Variants in SUZ12 observed in about 807,000 individuals in gnomAD.
SUZ12 encodes the protein SUZ12 polycomb repressive complex 2 subunit.
A neutral mutation model predicts 87.3 loss-of-function variants in SUZ12; 17 were observed. That is an observed-to-expected ratio of 0.19 (90% CI 0.13 to 0.29). The LOEUF (loss-of-function observed/expected upper bound fraction) is 0.29, where lower values mean the gene tolerates loss of function less well. Among genes scored for constraint, SUZ12 ranks in the 10% least tolerant of loss-of-function variants. SUZ12 has a pLI of 1.00. For synonymous variants in SUZ12, 253 were observed against 312.4 expected, an observed-to-expected ratio of 0.81 and a Z score of 2.01; for missense variants, 526 against 912.2, an observed-to-expected ratio of 0.58 and a Z score of 5.45.
chr17:31,963,842 A>G (rs562800856), intron 4 of SUZ12: 10,613 of 151,202 alleles, frequency 0.07, no homozygotes, highest in African/African-American at 0.23. Flanking sequence ...TTTTAACTTT[A>G]TATTTTTGCT....
rs146235037 is a variant in SUZ12, at chr17:31,952,209, T to G, written c.455+4524T>G. On this transcript the variant is annotated intron_variant, in intron 4 of 15. Transcript: ENST00000322652. ...CTGAATAGCTAGGACTACAGGTGCA[T>G]GCCACCATGCCTGGCTAATTTTTAA... Among the ~76,000 whole-genome samples, 304 of 152,226 alleles carry G rather than the reference T, an allele frequency of 2.0e-3. 1 individual carries two copies. The highest frequency in any genetic ancestry group is 3.8e-3 in the Non-Finnish European group (257 of 68,014).
chr17:31,994,100 A>G, intron 12 of SUZ12, 92 bp downstream of exon 12: 1 of 1,316,450 alleles, frequency 7.6e-7, no homozygotes, highest in Non-Finnish European at 1.0e-6. Context: ...AAATTTTTTA[A>G]ATTAAAAAAG....
chr17:31,993,831 T>TG, intron 11 of SUZ12, 34 bp from the exon 12 acceptor site: 2 of 1,568,202 alleles, frequency 1.3e-6, no homozygotes, highest in African/African-American at 2.8e-5. Flanking sequence ...ATGCGTAAAT[T>TG]GGAGATTTGC....
At chr17:31,977,854 A>C (rs1399831057) in intron 8 of SUZ12, among the ~76,000 whole-genome samples, 2 of 152,128 alleles carry the variant, frequency 1.3e-5, no homozygotes, top group Non-Finnish European at 2.9e-5. Flanking sequence ...ACACCACTGC[A>C]CTCCATCCTG....
chr17:31,977,096 G>T (rs1469985218), intron 8 of SUZ12, among the ~76,000 whole-genome samples: 2 of 152,014 alleles, frequency 1.3e-5, no homozygotes, highest in African/African-American at 2.4e-5. Flanking sequence ...GTAAATCTTG[G>T]GGTTATGTGT....
chr17:31,957,537 G>A (rs1433304397), intron 4 of SUZ12, among the ~76,000 whole-genome samples: 1 of 151,628 alleles, frequency 6.6e-6, no homozygotes, highest in Admixed American at 6.6e-5. Flanking sequence ...TCAGCCTCCC[G>A]AGTAGCCGGG....
chr17:31,996,357 G>A (rs1222871339), intron 14 of SUZ12, among the ~76,000 whole-genome samples: 1 of 152,176 alleles, frequency 6.6e-6, no homozygotes, highest in African/African-American at 2.4e-5. Flanking sequence ...GCTCACACCT[G>A]TAATCCCAAC....
intron 14 of SUZ12, 95 bp from the exon 15 acceptor site, chr17:31,996,702 GT>G: frequency 1.3e-6 from 1 of 761,832 alleles, no homozygotes; most frequent in Non-Finnish European, 2.0e-6. Context: ...GTATAAATAT[GT>G]TGTATTTTTA....
chr17:31,986,324 AT>A (rs1324154083), intron 9 of SUZ12, among the ~76,000 whole-genome samples: 1 of 152,016 alleles, frequency 6.6e-6, no homozygotes, highest in Non-Finnish European at 1.5e-5. Context: ...AAGTTCTGAG[AT>A]TTTTTGTTTT....
intron 15 of SUZ12, among the ~76,000 whole-genome samples, chr17:31,997,633 T>C (rs1598192775): frequency 7.9e-6 from 1 of 126,414 alleles, no homozygotes; most frequent in African/African-American, 3.2e-5. Flanking sequence ...ACCACTGCAC[T>C]CCAGCCTGGG....
Position 31,995,747 on chromosome 17 carries a change from A to G in SUZ12, c.1779A>G (p.Arg593=). Residue 593 remains arginine, a synonymous_variant, in exon 14 of 16, where the codon AGA becomes AGG. Transcript: ENST00000322652. ...ATGAAAAGGATCCTGAATGGCTAAG[A>G]GAAAAAACCATTACAGTAATTATTA... The part of the protein sequence containing the change: ...SEDEKDPEWL[R]EKTITQIEEF... 1 of 1,610,554 alleles carries G rather than the reference A, an allele frequency of 6.2e-7. No individual in the cohort carries two copies. Among genetic ancestry groups the G allele is most frequent in the South Asian group, 1.1e-5 (1 of 90,744 alleles).
chr17:31,965,893 T>G, intron 4 of SUZ12: 1 of 314,324 alleles, frequency 3.2e-6, no homozygotes. Flanking sequence ...GTCTGGTGTT[T>G]TTGTGGTTTT....
intron 10 of SUZ12, among the ~76,000 whole-genome samples, chr17:31,991,719 C>G (rs1310271871): frequency 2.0e-5 from 3 of 152,074 alleles, no homozygotes; most frequent in African/African-American, 4.8e-5. Context: ...ATTCTCCTGC[C>G]TCAGCTTCCC....
At chr17:31,946,211 T>G (rs1329172203) in intron 3 of SUZ12, among the ~76,000 whole-genome samples, 5 of 152,200 alleles carry the variant, frequency 3.3e-5, no homozygotes, top group Admixed American at 1.3e-4. Flanking sequence ...TCTCTACTGA[T>G]AATTTTTACA....
chr17:31,971,404 G>A (rs1908421278), intron 5 of SUZ12, among the ~76,000 whole-genome samples: 1 of 146,798 alleles, frequency 6.8e-6, no homozygotes, highest in Admixed American at 6.8e-5. Flanking sequence ...TATTTTGAAT[G>A]TGGTTGTCTC....
chr17:31,986,326 TTTTTG>T (rs1001966350), intron 9 of SUZ12, among the ~76,000 whole-genome samples: 87 of 152,296 alleles, frequency 5.7e-4, no homozygotes, highest in African/African-American at 1.5e-3. Flanking sequence ...GTTCTGAGAT[TTTTTG>T]TTTTGTTTTG....
intron 9 of SUZ12, among the ~76,000 whole-genome samples, chr17:31,983,321 G>C (rs1253392142): frequency 6.8e-6 from 1 of 146,200 alleles, no homozygotes; most frequent in East Asian, 2.0e-4. Flanking sequence ...TGTTGCCCAG[G>C]CTGGAGTGCA....
chr17:31,959,611 T>G (rs544124702), intron 4 of SUZ12, among the ~76,000 whole-genome samples: 1 of 152,330 alleles, frequency 6.6e-6, no homozygotes, highest in African/African-American at 2.4e-5. Flanking sequence ...TTGTCCTGTT[T>G]TGAGGTAATA....
chr17:31,942,211 C>G (rs572256964), intron 3 of SUZ12, among the ~76,000 whole-genome samples: 2 of 152,050 alleles, frequency 1.3e-5, no homozygotes, highest in African/African-American at 4.8e-5. Context: ...CTAAAGGGCT[C>G]AGGGTAACTA....
Sources: allele counts gnomAD v4.1 joint callset (sites outside exome capture counted in the v4.1 genomes callset), GRCh38; gene constraint gnomAD v4.1.1; transcripts MANE v1.5; gene names NCBI Gene and HGNC (gene_info 2026-07-23, HGNC 2026-07-21).